SPTLC1: variants seen among roughly 807,000 people sequenced by gnomAD.
The protein encoded by SPTLC1 is serine palmitoyltransferase long chain base subunit 1, also known as serine palmitoyltransferase 1.
SPTLC1 carries 55 observed loss-of-function variants against 68.9 expected under a neutral mutation model. The ratio of observed to expected loss-of-function variants is 0.80; its 90% CI spans 0.64 to 1.00. The LOEUF is 1.00. Among genes scored for constraint, SPTLC1 ranks in the 50% least tolerant of loss-of-function variants. The probability of loss-of-function intolerance (pLI) is 0.00; values close to 1 mark genes in which losing one functional copy is unlikely to be tolerated. For missense variants in SPTLC1, 449 were observed against 573.1 expected, an observed-to-expected ratio of 0.78 and a Z score of 2.21; for synonymous variants, 197 against 201.6, an observed-to-expected ratio of 0.98 and a Z score of 0.19.
At position 92,045,145 on chromosome 9, in the gene SPTLC1, C is replaced by T. The variant is rs145968556; in HGVS notation, c.1136+854G>A. On this transcript the variant is annotated intron_variant, in intron 12 of 14. Transcript: ENST00000262554. ...TTTAATGTCTCTGCCCCTTCTTTAT[C>T]TGGAACAGCTGTGATGTACTCATTT... Among the ~76,000 whole-genome samples the T allele has an allele frequency of 1.5e-3, 222 of 152,278 alleles. 1 individual carries two copies. The highest frequency in any genetic ancestry group is 2.3e-3 in the Non-Finnish European group (157 of 68,022).
intron 5 of SPTLC1, among the ~76,000 whole-genome samples, chr9:92,073,766 C>A (rs1834579528): frequency 6.6e-6 from 1 of 152,332 alleles, no homozygotes; most frequent in Non-Finnish European, 1.5e-5. Context: ...GGCTGCCAGG[C>A]GGCAGCGCGC....
chr9:92,102,082 T>C (rs1399036987), intron 3 of SPTLC1, among the ~76,000 whole-genome samples: 2 of 152,216 alleles, frequency 1.3e-5, no homozygotes, highest in Non-Finnish European at 2.9e-5. Context: ...CATTAGACTA[T>C]CAGTTTTCAC....
intron 12 of SPTLC1, among the ~76,000 whole-genome samples, chr9:92,040,686 A>C (rs1331186789): frequency 6.6e-6 from 1 of 151,926 alleles, no homozygotes. Context: ...TGAATCTGGG[A>C]AGTGGAGGTT....
chr9:92,046,042 C>T lies in SPTLC1; in HGVS notation c.1093G>A (p.Val365Met), dbSNP rs1348146993. 3.7e-6 allele frequency: 6 copies of T among 1,613,084 alleles called. No individual in the cohort carries two copies. The Admixed American group carries it at 8.3e-5, about 22-fold the overall frequency. ...ATTTGTCCGCACTTTTCCTTCAACA[C>T]TGCAAAAATACCTAGATGAAAAAAA... ...IMEENPGIFA[V>M]LKEKCGQIHK... Residue 365 changes from valine (V) to methionine (M), a missense_variant, in exon 12 of 15, where the codon GTG (valine) becomes ATG (methionine). Val to Met is a conservative substitution (Grantham distance 21). Around this residue, in one of 3 missense-constraint regions of SPTLC1, gnomAD observed 391 missense variants for 472.1 expected, o/e 0.83. Transcript: ENST00000262554.
chr9:92,115,292 C>G (rs778778189), intron 1 of SPTLC1, 22 bp downstream of exon 1: 7 of 1,611,286 alleles, frequency 4.3e-6, no homozygotes, highest in Non-Finnish European at 5.1e-6. Context: ...TGGTCGCGGA[C>G]CGCTAATGGC....
chr9:92,044,716 T>C (rs897536846), intron 12 of SPTLC1, among the ~76,000 whole-genome samples: 3 of 152,156 alleles, frequency 2.0e-5, no homozygotes, highest in Non-Finnish European at 4.4e-5. Context: ...GGGCCTGTGG[T>C]AGTTGGAGCA....
chr9:92,034,994 A>G (rs1833096560), intron 13 of SPTLC1, 111 bp from the exon 14 acceptor site: 1 of 915,130 alleles, frequency 1.1e-6, no homozygotes. Flanking sequence ...TTTTCCAATT[A>G]TAATTGCTAG....
intron 3 of SPTLC1, among the ~76,000 whole-genome samples, chr9:92,086,486 T>C (rs1176375250): frequency 2.0e-5 from 3 of 152,190 alleles, no homozygotes; most frequent in Non-Finnish European, 4.4e-5. Flanking sequence ...GTATTTTATT[T>C]CTCCTTCACT....
intron 6 of SPTLC1, among the ~76,000 whole-genome samples, chr9:92,064,544 A>G (rs2118577010): frequency 6.6e-6 from 1 of 152,378 alleles, no homozygotes. Context: ...TTTGGAAAAT[A>G]GTTTAGGAGT....
intron 3 of SPTLC1, among the ~76,000 whole-genome samples, chr9:92,105,762 G>A (rs1372142652): frequency 6.1e-5 from 9 of 147,670 alleles, no homozygotes; most frequent in African/African-American, 7.5e-5. Context: ...CTGCCCAGCC[G>A]CCGCCCTGTC....
chr9:92,083,888 C>T (rs1267322782), intron 3 of SPTLC1, among the ~76,000 whole-genome samples: 1 of 152,150 alleles, frequency 6.6e-6, no homozygotes, highest in Admixed American at 6.6e-5. Flanking sequence ...GAATGTTCTT[C>T]CATTTGTTTG....
At chr9:92,038,506 A>G in intron 12 of SPTLC1, 141 bp from the exon 13 acceptor site, 2 of 734,874 alleles carry the variant, frequency 2.7e-6, no homozygotes, top group East Asian at 2.6e-5. Context: ...CATCATTCCA[A>G]TTCCAACAAA....
intron 3 of SPTLC1, among the ~76,000 whole-genome samples, chr9:92,090,757 C>T (rs1204051077): frequency 6.6e-6 from 1 of 151,958 alleles, no homozygotes; most frequent in East Asian, 1.9e-4. Context: ...ATTAAGGCCA[C>T]TGCCCTGGAA....
intron 3 of SPTLC1, among the ~76,000 whole-genome samples, chr9:92,081,420 A>G (rs1224936453): frequency 1.3e-5 from 2 of 152,234 alleles, no homozygotes; most frequent in African/African-American, 4.8e-5. Context: ...GGAAGCCACT[A>G]AAGAGTAAGT....
chr9:92,103,871 G>C (rs1437984722), intron 3 of SPTLC1, among the ~76,000 whole-genome samples: 1 of 152,198 alleles, frequency 6.6e-6, no homozygotes, highest in Non-Finnish European at 1.5e-5. Flanking sequence ...CAGGCGCCAT[G>C]GCTCTGGCGG....
intron 2 of SPTLC1, chr9:92,110,744 T>C (rs573827492): frequency 6.6e-6 from 1 of 152,314 alleles, no homozygotes; most frequent in East Asian, 1.9e-4. Context: ...ACTCTAGGAT[T>C]CATAATACCC....
intron 5 of SPTLC1, chr9:92,078,976 G>A (rs10992224): frequency 0.2 from 170,193 of 851,080 alleles, 17,687 homozygotes; most frequent in Admixed American, 0.22. Flanking sequence ...TGGAAACAAG[G>A]ATGGAAGATG....
chr9:92,034,823 G>C lies in SPTLC1; in HGVS notation c.1315C>G (p.Leu439Val). ...ACGTCAACTGACCTGGGAGGAGGGA[G>C]ACACTTCTCTTCTTTCTCCAAGTAG... ...ARYLEKEEKC[L>V]PPPSIRVVVT... The change falls in exon 14 of 15, where the codon CTC (leucine) becomes GTC (valine). Residue 439 changes from leucine to valine, a missense_variant. Coordinates refer to ENST00000262554, the MANE Select transcript of SPTLC1 (RefSeq NM_006415.4). The C allele has an allele frequency of 6.2e-7, 1 of 1,614,012 alleles. No homozygotes were observed. Among genetic ancestry groups the C allele is most frequent in the Non-Finnish European group, 8.5e-7 (1 of 1,179,910 alleles).
intron 10 of SPTLC1, 91 bp from the exon 11 acceptor site, chr9:92,047,359 A>C: frequency 9.6e-7 from 1 of 1,045,430 alleles, no homozygotes; most frequent in Admixed American, 1.9e-5. Context: ...CAACTACTGA[A>C]CAGTGTGTAC....
Sources: gnomAD v4.1 joint callset for allele counts (sites outside exome capture counted in the v4.1 genomes callset) on GRCh38, gnomAD v4.1.1 for gene constraint, gnomAD v4.1.1 regional missense constraint, MANE v1.5 for transcripts, NCBI Gene and HGNC (gene_info 2026-07-23, HGNC 2026-07-21) for gene names.